Variants in GABRG2 observed in about 807,000 individuals in gnomAD.
GABRG2 encodes the protein gamma-aminobutyric acid receptor subunit gamma-2.
Under a neutral mutation model 56.4 loss-of-function variants are expected in GABRG2, and 16 were observed. That is an observed-to-expected ratio of 0.28 (90% CI 0.19 to 0.43). GABRG2 has a LOEUF of 0.43. GABRG2 is among the 20% of genes least tolerant of loss of function. GABRG2 has a pLI of 1.00. For synonymous variants in GABRG2, 208 were observed against 205.5 expected, an observed-to-expected ratio of 1.01 and a Z score of -0.10; for missense variants, 327 against 582.7, an observed-to-expected ratio of 0.56 and a Z score of 4.52.
chr5:162,114,352 A>C (rs1031618083), intron 6 of GABRG2, among the ~76,000 whole-genome samples: 29 of 152,132 alleles, frequency 1.9e-4, no homozygotes, highest in Admixed American at 6.6e-5. Context: ...GGGGAAAATT[A>C]GAGATAATTA....
At chr5:162,138,530 C>T (rs1581432187) in intron 6 of GABRG2, among the ~76,000 whole-genome samples, 1 of 152,126 alleles carries the variant, frequency 6.6e-6, no homozygotes, top group Non-Finnish European at 1.5e-5. Flanking sequence ...TTAATCTCCG[C>T]ATTACCTAAT....
At chr5:162,067,629 CA>C (rs1169375052), upstream of GABRG2, 1 of 532,598 alleles carries the variant, frequency 1.9e-6, no homozygotes. Context: ...GAGATGGACC[CA>C]GGGGAGAACG....
chr5:162,103,785 C>A (rs762935655), intron 5 of GABRG2, 104 bp from the exon 6 acceptor site: 3 of 1,276,312 alleles, frequency 2.4e-6, no homozygotes, highest in Non-Finnish European at 3.4e-6. Flanking sequence ...TAGCTTGTAA[C>A]TATCTTTCTC....
intron 6 of GABRG2, among the ~76,000 whole-genome samples, chr5:162,137,541 T>A (rs1416130440): frequency 6.6e-6 from 1 of 152,204 alleles, no homozygotes; most frequent in Non-Finnish European, 1.5e-5. Context: ...TTCATTCCTT[T>A]TTTTAGCTTA....
At chr5:162,123,626 A>G (rs977174025) in intron 6 of GABRG2, among the ~76,000 whole-genome samples, 8 of 151,896 alleles carry the variant, frequency 5.3e-5, no homozygotes. Context: ...GACTGACAGT[A>G]GCTTCTTTTC....
At chr5:162,069,675 A>G (rs1758512832) in intron 1 of GABRG2, among the ~76,000 whole-genome samples, 1 of 152,194 alleles carries the variant, frequency 6.6e-6, no homozygotes, top group African/African-American at 2.4e-5. Flanking sequence ...TATTTTCACT[A>G]GGATTATAAC....
At chr5:162,136,385 A>C (rs1344056597) in intron 6 of GABRG2, among the ~76,000 whole-genome samples, 1 of 152,152 alleles carries the variant, frequency 6.6e-6, no homozygotes, top group Non-Finnish European at 1.5e-5. Flanking sequence ...TGTAACTAAG[A>C]AAGTAAATTT....
chr5:162,118,335 A>T (rs1762765519), intron 6 of GABRG2, among the ~76,000 whole-genome samples: 1 of 151,978 alleles, frequency 6.6e-6, no homozygotes, highest in Non-Finnish European at 1.5e-5. Flanking sequence ...AGTTAATGGC[A>T]AGAGTTTTGA....
intron 6 of GABRG2, among the ~76,000 whole-genome samples, chr5:162,117,042 C>T (rs764509023): frequency 6.6e-6 from 1 of 152,130 alleles, no homozygotes; most frequent in Non-Finnish European, 1.5e-5. Context: ...GAGAATTATC[C>T]TCTCAAAAAG....
At chr5:162,069,279 A>G (rs1173813744) in intron 1 of GABRG2, among the ~76,000 whole-genome samples, 2 of 152,170 alleles carry the variant, frequency 1.3e-5, no homozygotes, top group African/African-American at 4.8e-5. Context: ...ATTCTTCTAT[A>G]CTTTCATTTT....
intron 5 of GABRG2, chr5:162,102,708 T>A (rs1405018701): frequency 1.5e-5 from 6 of 413,402 alleles, no homozygotes; most frequent in South Asian, 1.0e-4. Context: ...TTTCTGTATT[T>A]TTTGTAGAGA....
intron 1 of GABRG2, among the ~76,000 whole-genome samples, chr5:162,076,201 T>TTGATATAATACA (rs1193399529): frequency 6.6e-6 from 1 of 152,086 alleles, no homozygotes; most frequent in Non-Finnish European, 1.5e-5. Flanking sequence ...TGAGTAGGAA[T>TTGATATAATACA]TGATATAATA....
At chr5:162,134,333 C>T (rs2284780) in intron 6 of GABRG2, among the ~76,000 whole-genome samples, 48,486 of 130,224 alleles carry the variant, frequency 0.37, 8,662 homozygotes, top group African/African-American at 0.53. Context: ...TTTTTGAATA[C>T]TTAGTAAGTT....
At chr5:162,148,837 C>T (rs1046462685) in intron 7 of GABRG2, among the ~76,000 whole-genome samples, 6 of 152,188 alleles carry the variant, frequency 3.9e-5, no homozygotes, top group Non-Finnish European at 5.9e-5. Flanking sequence ...CTTTTCTCTG[C>T]TGACATGATT....
chr5:162,078,397 A>ATATAT (rs1371312030), intron 1 of GABRG2, among the ~76,000 whole-genome samples: 8 of 30,692 alleles, frequency 2.6e-4, no homozygotes, highest in African/African-American at 6.9e-4. Context: ...ATATATATAT[A>ATATAT]TTTTTTTTTT....
chr5:162,127,336 A>G (rs1184250187), intron 6 of GABRG2, among the ~76,000 whole-genome samples: 1 of 151,966 alleles, frequency 6.6e-6, no homozygotes, highest in Admixed American at 6.6e-5. Context: ...GCTAGAAAAA[A>G]ACTAAGATCA....
At chr5:162,142,143 G>A in intron 6 of GABRG2, 21 bp from the exon 7 acceptor site, 2 of 1,613,304 alleles carry the variant, frequency 1.2e-6, no homozygotes, top group Non-Finnish European at 1.7e-6. Flanking sequence ...GTTGTATGGT[G>A]TTATCTTTGG....
At chr5:162,095,375 A>C (rs540247026) in intron 2 of GABRG2, 120 bp from the exon 3 acceptor site, 1 of 699,014 alleles carries the variant, frequency 1.4e-6, no homozygotes, top group Non-Finnish European at 2.6e-6. Flanking sequence ...CTGGTACCAA[A>C]TTAGTTGTGA....
chr5:162,136,757 T>G (rs894051062), intron 6 of GABRG2, among the ~76,000 whole-genome samples: 3 of 152,156 alleles, frequency 2.0e-5, no homozygotes, highest in Admixed American at 2.0e-4. Context: ...GTGGACCTAT[T>G]TAAGTTTAGT....
Sources: gnomAD v4.1 joint callset for allele counts (sites outside exome capture counted in the v4.1 genomes callset) on GRCh38, gnomAD v4.1.1 for gene constraint, MANE v1.5 for transcripts, NCBI Gene and HGNC (gene_info 2026-07-23, HGNC 2026-07-21) for gene names.